The following PRKAA2 variants were observed in gnomAD, a reference collection of about 807,000 sequenced individuals.
The protein encoded by PRKAA2 is 5'-AMP-activated protein kinase catalytic subunit alpha-2.
A neutral mutation model predicts 56.3 loss-of-function variants in PRKAA2; 40 were observed. That is an observed-to-expected ratio of 0.71 (90% CI 0.55 to 0.92). The LOEUF (loss-of-function observed/expected upper bound fraction) is 0.92. Ranked by LOEUF, PRKAA2 falls within the 40% of genes least tolerant of loss-of-function variation. The probability of loss-of-function intolerance (pLI) is 0.00; values close to 1 mark genes in which losing one functional copy is unlikely to be tolerated. For missense variants in PRKAA2, 542 were observed against 686.9 expected (o/e 0.79, Z 2.36); for synonymous variants, 214 against 234.2 (o/e 0.91, Z 0.79).
rs2100443368 is a variant in PRKAA2, at chr1:56,709,165, A to G, written c.*1452A>G. The G allele has an allele frequency of 6.6e-6, 1 of 152,316 alleles. No homozygotes were observed. Among genetic ancestry groups the G allele is most frequent in the African/African-American group, 2.4e-5 (1 of 41,590 alleles). 9.4% of individuals were successfully genotyped at this position (152,316 alleles called of 1,614,324 possible). A position where few individuals can be genotyped will look rare whatever the true frequency, so the allele number is the denominator to read the frequency against. On this transcript the variant is annotated 3_prime_UTR_variant, in exon 9 of 9. Transcript: ENST00000371244. ...AAAAATTAAGCTCTTGAAAACAAAAAAATGACATTACCTTGACAGGCTTCT... is the reference window on the plus strand; with the variant it reads ...AAAAATTAAGCTCTTGAAAACAAAAGAATGACATTACCTTGACAGGCTTCT...
chr1:56,695,434 G>C (rs192167313), intron 5 of PRKAA2, among the ~76,000 whole-genome samples: 1 of 151,662 alleles, frequency 6.6e-6, no homozygotes, highest in African/African-American at 2.4e-5. Flanking sequence ...CAAGCAATCC[G>C]CCCGCCTCAG....
intron 6 of PRKAA2, among the ~76,000 whole-genome samples, chr1:56,701,122 A>G (rs1400567761): frequency 6.6e-6 from 1 of 152,076 alleles, no homozygotes; most frequent in Non-Finnish European, 1.5e-5. Context: ...CTGGTATTTT[A>G]TTGTTTTATG....
At chr1:56,681,533 A>G (rs536166011) in intron 2 of PRKAA2, among the ~76,000 whole-genome samples, 1 of 152,214 alleles carries the variant, frequency 6.6e-6, no homozygotes, top group East Asian at 1.9e-4. Flanking sequence ...TAATTTTTGT[A>G]TAAGGTGTAA....
chr1:56,685,895 A>G (rs1447504186), intron 2 of PRKAA2, among the ~76,000 whole-genome samples: 1 of 152,216 alleles, frequency 6.6e-6, no homozygotes, highest in Non-Finnish European at 1.5e-5. Context: ...AAATCTTCTG[A>G]TTGGATATTT....
intron 2 of PRKAA2, among the ~76,000 whole-genome samples, chr1:56,689,897 GACAC>G (rs3034077): frequency 0.32 from 46,351 of 146,530 alleles, 7,443 homozygotes; most frequent in Admixed American, 0.45. Context: ...CAGACACACA[GACAC>G]ACACACACAC....
intron 2 of PRKAA2, among the ~76,000 whole-genome samples, chr1:56,683,203 A>T (rs756252619): frequency 6.7e-6 from 1 of 149,910 alleles, no homozygotes; most frequent in African/African-American, 2.4e-5. Flanking sequence ...CATTAGAGAG[A>T]TGTGAACATT....
At chr1:56,665,281 C>T (rs2796518) in intron 1 of PRKAA2, among the ~76,000 whole-genome samples, 19,590 of 152,080 alleles carry the variant, frequency 0.13, 1,349 homozygotes, top group South Asian at 0.26. Flanking sequence ...ACCATGTTTG[C>T]CATGCTGGTC....
intron 1 of PRKAA2, among the ~76,000 whole-genome samples, chr1:56,651,311 T>C (rs1643896206): frequency 6.6e-6 from 1 of 152,240 alleles, no homozygotes; most frequent in Non-Finnish European, 1.5e-5. Flanking sequence ...AAAGGTACAA[T>C]TTGATTAAGT....
intron 2 of PRKAA2, among the ~76,000 whole-genome samples, chr1:56,689,808 G>C (rs1052576559): frequency 2.8e-4 from 42 of 151,826 alleles, no homozygotes; most frequent in African/African-American, 9.9e-4. Flanking sequence ...TAGTTTTTGG[G>C]AAAAAAATTT....
At chr1:56,689,281 T>C (rs1644211737) in intron 2 of PRKAA2, among the ~76,000 whole-genome samples, 2 of 152,240 alleles carry the variant, frequency 1.3e-5, no homozygotes, top group South Asian at 4.1e-4. Context: ...TATAAAACTA[T>C]TTCTTCTAGA....
rs1335949825 is a variant in PRKAA2, at chr1:56,668,229, A to G, written c.95-6152A>G. Among the ~76,000 whole-genome samples, 7 of 144,810 alleles carry G rather than the reference A, an allele frequency of 4.8e-5. No homozygotes were observed. In the East Asian group the frequency reaches 1.0e-3, roughly 21 times the overall value. ...AATTGAACAATGAGATCACATGGACACAGGAAGGGGAACATCACACTCTGG... is the reference window on the plus strand; with the variant it reads ...AATTGAACAATGAGATCACATGGACGCAGGAAGGGGAACATCACACTCTGG... On this transcript the variant is annotated intron_variant, in intron 1 of 8. Transcript: ENST00000371244.
intron 1 of PRKAA2, among the ~76,000 whole-genome samples, chr1:56,660,390 TTGATTTTTC>T (rs1643984557): frequency 1.3e-5 from 2 of 152,330 alleles, no homozygotes; most frequent in African/African-American, 4.8e-5. Flanking sequence ...TGTTATTTTC[TTGATTTTTC>T]AGCACTTCTT....
intron 1 of PRKAA2, among the ~76,000 whole-genome samples, chr1:56,668,611 C>T (rs1380996599): frequency 2.0e-5 from 3 of 151,612 alleles, no homozygotes; most frequent in Non-Finnish European, 4.4e-5. Context: ...AATTTTGGCC[C>T]CAAATAATTA....
intron 5 of PRKAA2, among the ~76,000 whole-genome samples, chr1:56,695,205 T>TG (rs1644251600): frequency 7.4e-6 from 1 of 134,852 alleles, no homozygotes; most frequent in Non-Finnish European, 1.6e-5. Flanking sequence ...TATATATATT[T>TG]TTTGTTTTGA....
chr1:56,664,842 A>G (rs373669895), intron 1 of PRKAA2, among the ~76,000 whole-genome samples: 1 of 143,938 alleles, frequency 6.9e-6, no homozygotes, highest in Admixed American at 7.4e-5. Context: ...ACATGTATGC[A>G]TAAGTATATG....
At chr1:56,682,924 G>C (rs1644165033) in intron 2 of PRKAA2, among the ~76,000 whole-genome samples, 1 of 152,124 alleles carries the variant, frequency 6.6e-6, no homozygotes, top group African/African-American at 2.4e-5. Context: ...GTGTTGGACA[G>C]AGCAGATAAA....
Position 56,696,096 on chromosome 1 carries a change from C to A in PRKAA2, c.725C>A (p.Ala242Asp), listed in dbSNP as rs763450384. ...CCAGAATATCTCAATCGTTCTGTCG[C>A]CACTCTCCTGATGCATATGCTGCAG... ...YIPEYLNRSV[A>D]TLLMHMLQVD... The change falls in exon 6 of 9, where the codon GCC (alanine) becomes GAC (aspartate). Residue 242 changes from alanine to aspartate, a missense_variant. Ala to Asp is a moderately radical substitution (Grantham distance 126). Coordinates refer to ENST00000371244, the MANE Select transcript of PRKAA2 (RefSeq NM_006252.4). 2 of 1,613,498 alleles carry A rather than the reference C, an allele frequency of 1.2e-6. No individual in the cohort carries two copies. Among genetic ancestry groups the A allele is most frequent in the Non-Finnish European group, 1.7e-6 (2 of 1,179,914 alleles).
chr1:56,652,462 C>A (rs955149301), intron 1 of PRKAA2, among the ~76,000 whole-genome samples: 1 of 152,140 alleles, frequency 6.6e-6, no homozygotes, highest in Non-Finnish European at 1.5e-5. Flanking sequence ...CTAGTGATTG[C>A]CAGTAACCTT....
At chr1:56,698,175 C>A (rs1240516212) in intron 6 of PRKAA2, among the ~76,000 whole-genome samples, 1 of 147,322 alleles carries the variant, frequency 6.8e-6, no homozygotes, top group Non-Finnish European at 1.5e-5. Context: ...TCTTGGCCTC[C>A]CAAAGTGCTA....
Sources: gnomAD v4.1 joint callset for allele counts (sites outside exome capture counted in the v4.1 genomes callset) on GRCh38, gnomAD v4.1.1 for gene constraint, MANE v1.5 for transcripts, NCBI Gene and HGNC (gene_info 2026-07-23, HGNC 2026-07-21) for gene names.